Variants in MYRFL observed in about 807,000 individuals in gnomAD.
MYRFL encodes the protein myelin regulatory factor like.
MYRFL carries 88 observed loss-of-function variants against 109.4 expected under a neutral mutation model. The ratio of observed to expected loss-of-function variants is 0.80; its 90% CI spans 0.68 to 0.96. MYRFL has a LOEUF of 0.96. MYRFL is among the 40% of genes least tolerant of loss of function. MYRFL has a pLI of 0.00. For missense variants in MYRFL, 957 were observed against 954.9 expected (o/e 1.00, Z -0.03); for synonymous variants, 324 against 320.9 (o/e 1.01, Z -0.10).
At chr12:69,847,064 ATTTG>A (rs1297125258) in intron 1 of MYRFL, among the ~76,000 whole-genome samples, 12 of 152,004 alleles carry the variant, frequency 7.9e-5, no homozygotes, top group Admixed American at 6.6e-4. Context: ...TTTCTTGTAA[ATTTG>A]TTTGAGTTCA....
chr12:69,904,464 C>G (rs542716458), intron 11 of MYRFL: 1 of 152,280 alleles, frequency 6.6e-6, no homozygotes, highest in African/African-American at 2.4e-5. Flanking sequence ...GAGATGGCTT[C>G]TCCGCTTTGG....
At chr12:69,932,632 C>G in intron 16 of MYRFL, 34 bp downstream of exon 16, 1 of 1,438,082 alleles carries the variant, frequency 7.0e-7, no homozygotes, top group Non-Finnish European at 9.5e-7. Context: ...CCATGTCAAG[C>G]TCTTTTGTTC....
chr12:69,955,064 T>C (rs1956062624), intron 21 of MYRFL, among the ~76,000 whole-genome samples: 1 of 152,188 alleles, frequency 6.6e-6, no homozygotes, highest in Non-Finnish European at 1.5e-5. Flanking sequence ...ATTTCCTGTG[T>C]GAAAAAGCCA....
At chr12:69,917,775 A>G (rs1198463840) in intron 13 of MYRFL, among the ~76,000 whole-genome samples, 3 of 152,126 alleles carry the variant, frequency 2.0e-5, no homozygotes, top group African/African-American at 7.2e-5. Context: ...TTAATGCCTG[A>G]GTTTTTAAAT....
chr12:69,913,154 T>C lies in MYRFL; in HGVS notation c.1602+2224T>C, dbSNP rs191475993. On this transcript the variant is annotated intron_variant, in intron 13 of 24. Coordinates refer to ENST00000552032, the MANE Select transcript of MYRFL (RefSeq NM_182530.3). Reference sequence around the variant, plus strand: ...GTCCTTTGCCCATTTTTGACTTGGGTTGTTTACTGTTGTTAGGTTTCAGGA... The same window carrying C: ...GTCCTTTGCCCATTTTTGACTTGGGCTGTTTACTGTTGTTAGGTTTCAGGA... Among the ~76,000 whole-genome samples, 6 of 152,256 alleles carry C rather than the reference T, an allele frequency of 3.9e-5. No individual in the cohort carries two copies. In the East Asian group the frequency reaches 1.2e-3, roughly 29 times the overall value.
intron 2 of MYRFL, among the ~76,000 whole-genome samples, chr12:69,871,231 C>CTTTTTT (rs58723853): frequency 4.8e-5 from 6 of 124,730 alleles, no homozygotes; most frequent in Non-Finnish European, 8.4e-5. Context: ...TTGGATATTT[C>CTTTTTT]TTTTTTTTTT....
rs1954409224 is a variant in MYRFL, at chr12:69,907,617, C to T, written c.1384-2352C>T. On this transcript the variant is annotated intron_variant, in intron 11 of 24. Coordinates refer to ENST00000552032, the MANE Select transcript of MYRFL (RefSeq NM_182530.3). ...TGGCTCCTGATTGACCCTCTCTCTT[C>T]AATTCTCTTCATGTCAGGGATTGTC... 2.6e-5 allele frequency among the ~76,000 whole-genome samples: 4 copies of T among 152,198 alleles called. No homozygotes were observed. The South Asian group carries it at 8.3e-4, about 32-fold the overall frequency.
At chr12:69,868,793 C>T (rs1592727360) in intron 2 of MYRFL, among the ~76,000 whole-genome samples, 1 of 152,240 alleles carries the variant, frequency 6.6e-6, no homozygotes. Context: ...GAGTGCCTGT[C>T]ACAGTCTCCC....
intron 13 of MYRFL, among the ~76,000 whole-genome samples, chr12:69,920,053 T>C (rs1039701401): frequency 2.0e-5 from 3 of 152,162 alleles, no homozygotes; most frequent in Non-Finnish European, 2.9e-5. Context: ...AGACCTGCAA[T>C]GGACCCAGGA....
intron 1 of MYRFL, among the ~76,000 whole-genome samples, chr12:69,834,231 A>G (rs2136314203): frequency 6.6e-6 from 1 of 152,360 alleles, no homozygotes; most frequent in Non-Finnish European, 1.5e-5. Context: ...ATACCCTGGT[A>G]TTAACAATAT....
chr12:69,920,969 C>A (rs1014016898), intron 13 of MYRFL, among the ~76,000 whole-genome samples: 4 of 152,270 alleles, frequency 2.6e-5, no homozygotes, highest in African/African-American at 9.6e-5. Flanking sequence ...CAGTTGCCAC[C>A]TTTTGCTTCA....
chr12:69,853,192 G>A (rs896171292), intron 1 of MYRFL, among the ~76,000 whole-genome samples: 9 of 151,076 alleles, frequency 6.0e-5, no homozygotes, highest in Admixed American at 2.0e-4. Flanking sequence ...TCTCCCGGAC[G>A]GGGCAGCTGC....
At chr12:69,887,525 TA>T (rs1203460935) in intron 6 of MYRFL, among the ~76,000 whole-genome samples, 2 of 152,178 alleles carry the variant, frequency 1.3e-5, no homozygotes, top group Non-Finnish European at 2.9e-5. Context: ...TTTTATGACA[TA>T]AGATAGTTTC....
chr12:69,943,507 C>T (rs2120515446), intron 19 of MYRFL, among the ~76,000 whole-genome samples: 1 of 149,398 alleles, frequency 6.7e-6, no homozygotes, highest in South Asian at 2.2e-4. Context: ...TGGATCCCTT[C>T]CTTACACCTT....
At chr12:69,848,196 A>G (rs1883672221) in intron 1 of MYRFL, among the ~76,000 whole-genome samples, 1 of 152,030 alleles carries the variant, frequency 6.6e-6, no homozygotes, top group African/African-American at 2.4e-5. Context: ...GTTGCAACAC[A>G]ATATTTATAT....
At chr12:69,907,820 A>G (rs1166365185) in intron 11 of MYRFL, among the ~76,000 whole-genome samples, 2 of 152,206 alleles carry the variant, frequency 1.3e-5, no homozygotes, top group African/African-American at 4.8e-5. Flanking sequence ...TTGAATCTCC[A>G]GTGCTTAGGA....
chr12:69,912,635 A>G lies in MYRFL; in HGVS notation c.1602+1705A>G, dbSNP rs112857081. Reference sequence around the variant, plus strand: ...TTCATCTATGTTGCAGTGTGTATCAAAATTTCCTTTCTTTTTAAGACTGAA... The same window carrying G: ...TTCATCTATGTTGCAGTGTGTATCAGAATTTCCTTTCTTTTTAAGACTGAA... On this transcript the variant is annotated intron_variant, in intron 13 of 24. Transcript: ENST00000552032. Among the ~76,000 whole-genome samples, 617 of 152,262 alleles carry G rather than the reference A, an allele frequency of 4.1e-3. 3 individuals carry two copies. Among genetic ancestry groups the G allele is most frequent in the African/African-American group, 0.014 (602 of 41,550 alleles).
intron 1 of MYRFL, among the ~76,000 whole-genome samples, chr12:69,852,580 T>A (rs1429367207): frequency 2.0e-4 from 2 of 10,250 alleles, no homozygotes; most frequent in African/African-American, 3.3e-4. Context: ...TAATTTTTAA[T>A]TTTTTTTTTT....
chr12:69,935,020 A>G (rs991199141), intron 16 of MYRFL, among the ~76,000 whole-genome samples: 10 of 152,138 alleles, frequency 6.6e-5, no homozygotes, highest in Non-Finnish European at 1.5e-4. Flanking sequence ...TCCTGCCTCT[A>G]TTAACTGGAC....
Sources: allele counts gnomAD v4.1 joint callset (sites outside exome capture counted in the v4.1 genomes callset), GRCh38; gene constraint gnomAD v4.1.1; transcripts MANE v1.5; gene names NCBI Gene and HGNC (gene_info 2026-07-23, HGNC 2026-07-21).